The following UBASH3B variants were observed in gnomAD, a reference collection of about 807,000 sequenced individuals.
UBASH3B encodes the protein ubiquitin-associated and SH3 domain-containing protein B.
UBASH3B carries 37 observed loss-of-function variants against 83.4 expected under a neutral mutation model. The ratio of observed to expected loss-of-function variants is 0.44; its 90% CI spans 0.34 to 0.58. UBASH3B has a LOEUF of 0.58. Ranked by LOEUF, UBASH3B falls within the 20% of genes least tolerant of loss-of-function variation. The probability of loss-of-function intolerance (pLI) is 0.01; values close to 1 mark genes in which losing one functional copy is unlikely to be tolerated. For missense variants in UBASH3B, 657 were observed against 827.2 expected, an observed-to-expected ratio of 0.79 and a Z score of 2.52; for synonymous variants, 304 against 318.3, an observed-to-expected ratio of 0.96 and a Z score of 0.48.
chr11:122,702,670 G>T (rs1016426797), intron 1 of UBASH3B, among the ~76,000 whole-genome samples: 2 of 151,950 alleles, frequency 1.3e-5, no homozygotes, highest in East Asian at 3.9e-4. Context: ...GATTACAGGC[G>T]CATGCTACCA....
At chr11:122,704,592 C>A (rs968206641) in intron 1 of UBASH3B, among the ~76,000 whole-genome samples, 4 of 151,944 alleles carry the variant, frequency 2.6e-5, no homozygotes, top group Non-Finnish European at 4.4e-5. Context: ...TCACTGCAAC[C>A]TTTGCCTCCC....
At chr11:122,689,209 C>A (rs919025176) in intron 1 of UBASH3B, among the ~76,000 whole-genome samples, 1 of 152,006 alleles carries the variant, frequency 6.6e-6, no homozygotes, top group Non-Finnish European at 1.5e-5. Context: ...GAATAAATAC[C>A]ATATTATTTA....
In UBASH3B at chr11:122,759,260, G is replaced by A. The variant is rs533981711; in HGVS notation, c.162-16959G>A. Among the ~76,000 whole-genome samples, 77 of 152,258 alleles carry A rather than the reference G, an allele frequency of 5.1e-4. No individual in the cohort carries two copies. Among genetic ancestry groups the A allele is most frequent in the African/African-American group, 1.8e-3 (75 of 41,536 alleles). On this transcript the variant is annotated intron_variant, in intron 1 of 13. Coordinates refer to ENST00000284273, the MANE Select transcript of UBASH3B (RefSeq NM_032873.5). This position sits in a 1 kb window ranked among gnomAD's most constrained non-coding sequence, Gnocchi z 4.1. ...GAGGCTGCCTGCAGTTCCTTGCCAC[G>A]TGGCTGTCTTTTCATAGGCAGTCCA...
chr11:122,665,262 C>T (rs180973866), intron 1 of UBASH3B, among the ~76,000 whole-genome samples: 7 of 152,286 alleles, frequency 4.6e-5, no homozygotes, highest in East Asian at 1.9e-4. Flanking sequence ...ATTGCAGCCT[C>T]GAACACTTGG....
intron 1 of UBASH3B, among the ~76,000 whole-genome samples, chr11:122,692,810 G>A (rs1184105344): frequency 6.6e-6 from 1 of 152,242 alleles, no homozygotes; most frequent in East Asian, 1.9e-4. Flanking sequence ...CCTTCAAGGA[G>A]TTTAGAGACT....
At chr11:122,798,353 C>T (rs1480226648) in intron 9 of UBASH3B, among the ~76,000 whole-genome samples, 3 of 151,996 alleles carry the variant, frequency 2.0e-5, no homozygotes, top group Non-Finnish European at 2.9e-5. Flanking sequence ...AAAGTATTGT[C>T]CTGTTTCTAA....
chr11:122,656,326 C>T (rs1336171299), intron 1 of UBASH3B, 116 bp downstream of exon 1: 1 of 1,105,326 alleles, frequency 9.0e-7, no homozygotes, highest in Admixed American at 4.3e-5. Context: ...TCCCCGCTGC[C>T]CGAGACCTGT....
chr11:122,718,941 GC>G (rs1388738970), intron 1 of UBASH3B, among the ~76,000 whole-genome samples: 1 of 152,182 alleles, frequency 6.6e-6, no homozygotes, highest in Admixed American at 6.5e-5. Context: ...GGAGGTTGAG[GC>G]AGGAGGACCA....
intron 1 of UBASH3B, among the ~76,000 whole-genome samples, chr11:122,771,382 A>ACCACCACG (rs1255937270): frequency 6.6e-6 from 1 of 151,686 alleles, no homozygotes; most frequent in Non-Finnish European, 1.5e-5. Flanking sequence ...ACAGGCACCC[A>ACCACCACG]CCACCACGCC....
chr11:122,782,856 C>T, intron 4 of UBASH3B, 197 bp from the exon 5 acceptor site: 1 of 642,222 alleles, frequency 1.6e-6, no homozygotes, highest in East Asian at 2.8e-5. Context: ...ATCTCTTGAA[C>T]AGTGGCTTGA....
At chr11:122,792,950 G>GA (rs1360761110) in intron 6 of UBASH3B, among the ~76,000 whole-genome samples, 1 of 141,888 alleles carries the variant, frequency 7.0e-6, no homozygotes, top group Non-Finnish European at 1.6e-5. Context: ...AGACTTCTGA[G>GA]ACTTCGTTTA....
At chr11:122,798,647 GT>G (rs1861193781) in intron 9 of UBASH3B, among the ~76,000 whole-genome samples, 1 of 148,526 alleles carries the variant, frequency 6.7e-6, no homozygotes, top group Non-Finnish European at 1.5e-5. Flanking sequence ...GGAGGCAGAG[GT>G]TGCAGTGAGC....
intron 1 of UBASH3B, among the ~76,000 whole-genome samples, chr11:122,690,844 G>C (rs553659347): frequency 1.1e-3 from 175 of 152,310 alleles, no homozygotes; most frequent in African/African-American, 4.1e-3. Context: ...GGAGAGTTGA[G>C]TCAGACTTGT....
chr11:122,761,286 C>T (rs903770928), intron 1 of UBASH3B, among the ~76,000 whole-genome samples: 3 of 152,072 alleles, frequency 2.0e-5, no homozygotes, highest in African/African-American at 7.2e-5. Context: ...TTCTTTACCC[C>T]CATCTCTACC....
intron 6 of UBASH3B, among the ~76,000 whole-genome samples, chr11:122,792,526 C>T (rs1438164208): frequency 1.3e-5 from 2 of 152,028 alleles, no homozygotes; most frequent in African/African-American, 4.8e-5. Flanking sequence ...ACCACGTTGG[C>T]CAGGCTGGTC....
chr11:122,668,914 C>T (rs982175043), intron 1 of UBASH3B, among the ~76,000 whole-genome samples: 1 of 152,182 alleles, frequency 6.6e-6, no homozygotes, highest in African/African-American at 2.4e-5. Flanking sequence ...CTAATTCCGT[C>T]AGCGTGAGGA....
intron 1 of UBASH3B, among the ~76,000 whole-genome samples, chr11:122,748,912 T>A (rs1861161125): frequency 1.3e-5 from 2 of 152,360 alleles, no homozygotes; most frequent in South Asian, 2.1e-4. Context: ...TTCTTTTTTT[T>A]AAATTAATTT....
At chr11:122,699,444 C>T (rs1206676066) in intron 1 of UBASH3B, among the ~76,000 whole-genome samples, 1 of 152,138 alleles carries the variant, frequency 6.6e-6, no homozygotes, top group South Asian at 2.1e-4. Flanking sequence ...ATAATATTAT[C>T]CACCTTCCAA....
chr11:122,706,106 C>CTTTTTT (rs36055058), intron 1 of UBASH3B, among the ~76,000 whole-genome samples: 9 of 127,028 alleles, frequency 7.1e-5, no homozygotes, highest in African/African-American at 1.5e-4. Context: ...TCTTTTCTTT[C>CTTTTTT]TTTTTTTTTT....
Sources: allele counts gnomAD v4.1 joint callset (sites outside exome capture counted in the v4.1 genomes callset), GRCh38; gene constraint gnomAD v4.1.1; non-coding constraint Gnocchi (gnomAD v3.1); transcripts MANE v1.5; gene names NCBI Gene and HGNC (gene_info 2026-07-23, HGNC 2026-07-21).